The following OPCML variants were observed in gnomAD, a reference collection of about 807,000 sequenced individuals.
OPCML encodes the protein opioid-binding protein/cell adhesion molecule.
OPCML carries 13 observed loss-of-function variants against 37.8 expected under a neutral mutation model. The ratio of observed to expected loss-of-function variants is 0.34; its 90% CI spans 0.22 to 0.55. OPCML has a LOEUF of 0.55. OPCML is among the 20% of genes least tolerant of loss of function. The probability of loss-of-function intolerance (pLI) is 0.91; values close to 1 mark genes in which losing one functional copy is unlikely to be tolerated. For synonymous variants in OPCML, 176 were observed against 168.8 expected, an observed-to-expected ratio of 1.04 and a Z score of -0.33; for missense variants, 341 against 435.6, an observed-to-expected ratio of 0.78 and a Z score of 1.93.
At chr11:132,765,806 A>C (rs1322760086) in intron 2 of OPCML, among the ~76,000 whole-genome samples, 1 of 152,136 alleles carries the variant, frequency 6.6e-6, no homozygotes, top group Non-Finnish European at 1.5e-5. Flanking sequence ...AACAGCTAGC[A>C]CCTTGATCTT....
intron 4 of OPCML, among the ~76,000 whole-genome samples, chr11:132,472,425 C>T (rs745821957): frequency 7.2e-5 from 11 of 152,272 alleles, no homozygotes; most frequent in Middle Eastern, 3.4e-3. Context: ...TAAAAGCCTA[C>T]GGAAGGCTCA....
At chr11:132,679,873 G>A (rs1942864793) in intron 2 of OPCML, among the ~76,000 whole-genome samples, 1 of 152,200 alleles carries the variant, frequency 6.6e-6, no homozygotes, top group Non-Finnish European at 1.5e-5. Flanking sequence ...TTATGGACGT[G>A]TGAGTGTGAT....
intron 2 of OPCML, among the ~76,000 whole-genome samples, chr11:132,933,874 T>G (rs2136641243): frequency 6.6e-6 from 1 of 152,242 alleles, no homozygotes; most frequent in East Asian, 1.9e-4. Flanking sequence ...CAGGGTGCCT[T>G]ACAGACAATA....
At chr11:133,030,248 G>A (rs539519916) in intron 1 of OPCML, among the ~76,000 whole-genome samples, 18 of 152,340 alleles carry the variant, frequency 1.2e-4, no homozygotes, top group African/African-American at 4.3e-4. Context: ...AGAAGGCAAA[G>A]CTGAATCCCG....
At chr11:132,731,823 C>T (rs999658041) in intron 2 of OPCML, among the ~76,000 whole-genome samples, 2 of 152,010 alleles carry the variant, frequency 1.3e-5, no homozygotes, top group African/African-American at 4.8e-5. Context: ...AAAAGAAATA[C>T]AATTGTCAAC....
chr11:132,804,201 A>G (rs1166756981), intron 2 of OPCML, among the ~76,000 whole-genome samples: 1 of 152,220 alleles, frequency 6.6e-6, no homozygotes, highest in Non-Finnish European at 1.5e-5. Context: ...GTCAGAGTCA[A>G]AGCAAGGTGA....
intron 1 of OPCML, chr11:133,360,199 G>A (rs1944382486): frequency 6.6e-6 from 1 of 152,192 alleles, no homozygotes; most frequent in Admixed American, 6.5e-5. Context: ...TGTATTTTTT[G>A]AAAGCACATA....
chr11:132,566,719 TCA>T (rs2096424044), intron 3 of OPCML, among the ~76,000 whole-genome samples: 1 of 152,182 alleles, frequency 6.6e-6, no homozygotes. Context: ...CGAGGTGTCT[TCA>T]CAGAGTTTGA....
chr11:132,820,091 GAATGAA>G (rs56230340), intron 2 of OPCML, among the ~76,000 whole-genome samples: 30,279 of 98,494 alleles, frequency 0.31, 3,906 homozygotes, highest in Non-Finnish European at 0.39. Flanking sequence ...ATGAATGAAT[GAATGAA>G]TGAATGAAAG....
chr11:133,419,974 C>T (rs533309954), intron 1 of OPCML, among the ~76,000 whole-genome samples: 54 of 152,280 alleles, frequency 3.5e-4, no homozygotes, highest in African/African-American at 9.4e-4. Context: ...ACACCCATGT[C>T]GGAACTACAC....
chr11:132,496,865 C>T (rs1053120245), intron 4 of OPCML, among the ~76,000 whole-genome samples: 19 of 152,290 alleles, frequency 1.2e-4, no homozygotes, highest in African/African-American at 3.6e-4. Context: ...ATAGGTTTGA[C>T]GATGCCCTAC....
chr11:133,158,399 A>G (rs950142123), intron 1 of OPCML, among the ~76,000 whole-genome samples: 1 of 152,140 alleles, frequency 6.6e-6, no homozygotes, highest in Non-Finnish European at 1.5e-5. Context: ...TCTCAGATTC[A>G]TTTCTAAAAA....
chr11:133,358,802 G>A (rs1446250267), intron 1 of OPCML, among the ~76,000 whole-genome samples: 1 of 152,120 alleles, frequency 6.6e-6, no homozygotes, highest in Non-Finnish European at 1.5e-5. Flanking sequence ...CCCTGAATGG[G>A]GGGAAGGCGT....
chr11:133,248,589 G>A (rs936160074), intron 1 of OPCML, among the ~76,000 whole-genome samples: 9 of 152,236 alleles, frequency 5.9e-5, no homozygotes, highest in Non-Finnish European at 1.3e-4. Flanking sequence ...TGATGTAGAA[G>A]AGGCTATGAT....
intron 1 of OPCML, among the ~76,000 whole-genome samples, chr11:133,131,383 A>G (rs1949601862): frequency 6.6e-6 from 1 of 152,208 alleles, no homozygotes; most frequent in Non-Finnish European, 1.5e-5. Context: ...CAACTTCTAG[A>G]GTATAACATA....
chr11:133,386,319 T>G (rs535140155), intron 1 of OPCML, among the ~76,000 whole-genome samples: 2 of 152,262 alleles, frequency 1.3e-5, no homozygotes, highest in Middle Eastern at 3.2e-3. Flanking sequence ...AATAGACTTT[T>G]GTTGGAGTGG....
Position 132,454,938 on chromosome 11 carries a change from G to A in OPCML, c.506-17579C>T, listed in dbSNP as rs575552631. On this transcript the variant is annotated intron_variant, in intron 4 of 7. Coordinates refer to ENST00000524381, the MANE Select transcript of OPCML (RefSeq NM_001012393.5). Reference sequence around the variant, plus strand: ...CCCTGGACTGAATAAACATGTCAGGGGCATTGCCAGTATAACATCTGACTA... The same window carrying A: ...CCCTGGACTGAATAAACATGTCAGGAGCATTGCCAGTATAACATCTGACTA... Among the ~76,000 whole-genome samples the A allele has an allele frequency of 2.0e-5, 3 of 152,170 alleles. No individual in the cohort carries two copies. In the East Asian group the frequency reaches 5.8e-4, roughly 29 times the overall value.
intron 2 of OPCML, among the ~76,000 whole-genome samples, chr11:132,766,995 T>C (rs192311385): frequency 2.0e-5 from 3 of 152,320 alleles, no homozygotes; most frequent in Admixed American, 6.5e-5. Context: ...CAGAAAAATA[T>C]TGATTCACAC....
intron 1 of OPCML, among the ~76,000 whole-genome samples, chr11:133,429,063 T>C (rs1254792809): frequency 3.9e-5 from 6 of 152,098 alleles, no homozygotes; most frequent in Admixed American, 2.6e-4. Context: ...AAGAGTAACA[T>C]AGTGGGTATG....
Sources: allele counts gnomAD v4.1 joint callset (sites outside exome capture counted in the v4.1 genomes callset), GRCh38; gene constraint gnomAD v4.1.1; transcripts MANE v1.5; gene names NCBI Gene and HGNC (gene_info 2026-07-23, HGNC 2026-07-21).